SH3PXD2B: variants seen among roughly 807,000 people sequenced by gnomAD.
The protein encoded by SH3PXD2B is SH3 and PX domains 2B, also known as SH3 and PX domain-containing protein 2B.
Under a neutral mutation model 73.1 loss-of-function variants are expected in SH3PXD2B, and 37 were observed. The ratio of observed to expected loss-of-function variants is 0.51; its 90% CI spans 0.39 to 0.67. The LOEUF (loss-of-function observed/expected upper bound fraction) is 0.67. SH3PXD2B is among the 30% of genes least tolerant of loss of function. The pLI is 0.00. For missense variants in SH3PXD2B, 1,053 were observed against 1,197.8 expected (o/e 0.88, Z 1.78); for synonymous variants, 457 against 480.5 (o/e 0.95, Z 0.64).
At chr5:172,423,053 G>A (rs1255765547) in intron 1 of SH3PXD2B, among the ~76,000 whole-genome samples, 1 of 149,370 alleles carries the variant, frequency 6.7e-6, no homozygotes, top group African/African-American at 2.6e-5. Context: ...GGATAGATGT[G>A]AGGTGCTGAT....
At chr5:172,340,037 C>T (rs1291096951) in intron 12 of SH3PXD2B, 121 bp from the exon 13 acceptor site, 2 of 1,540,054 alleles carry the variant, frequency 1.3e-6, no homozygotes, top group Non-Finnish European at 1.8e-6. Flanking sequence ...TCAGCAGCTC[C>T]TCTGACAAGG....
At chr5:172,369,181 C>A (rs771186448) in intron 6 of SH3PXD2B, among the ~76,000 whole-genome samples, 8 of 151,420 alleles carry the variant, frequency 5.3e-5, no homozygotes, top group Admixed American at 2.0e-4. Flanking sequence ...AGGTGTAAAC[C>A]ACCACGCCTG....
intron 1 of SH3PXD2B, among the ~76,000 whole-genome samples, chr5:172,451,999 C>T (rs1216004501): frequency 1.3e-5 from 2 of 152,210 alleles, no homozygotes; most frequent in African/African-American, 4.8e-5. Context: ...TGCAGAAAAA[C>T]AAGTTCTTGA....
chr5:172,380,187 A>T (rs1195731016), intron 5 of SH3PXD2B, among the ~76,000 whole-genome samples: 1 of 151,704 alleles, frequency 6.6e-6, no homozygotes, highest in Non-Finnish European at 1.5e-5. Context: ...CTTCCTGAGT[A>T]TCTGGGACTA....
At chr5:172,449,496 T>C (rs2113521615) in intron 1 of SH3PXD2B, among the ~76,000 whole-genome samples, 1 of 152,354 alleles carries the variant, frequency 6.6e-6, no homozygotes, top group East Asian at 1.9e-4. Flanking sequence ...TGTAATTACC[T>C]GAAGGATTAG....
chr5:172,376,795 C>G (rs139778235), intron 5 of SH3PXD2B, among the ~76,000 whole-genome samples: 2 of 152,338 alleles, frequency 1.3e-5, no homozygotes, highest in Non-Finnish European at 2.9e-5. Context: ...TCACTGCGTC[C>G]GCATACATCC....
rs145379433 is a variant in SH3PXD2B, at chr5:172,372,653, A to G, written c.427+1137T>C. On this transcript the variant is annotated intron_variant, in intron 6 of 12. Coordinates refer to ENST00000311601, the MANE Select transcript of SH3PXD2B (RefSeq NM_001017995.3). Reference sequence around the variant, plus strand: ...CTGACAATGTGCCAGGCACTATTCTAGGTGCCTTACAAATATGATTATAAA... The same window carrying G: ...CTGACAATGTGCCAGGCACTATTCTGGGTGCCTTACAAATATGATTATAAA... 7.9e-5 allele frequency among the ~76,000 whole-genome samples: 12 copies of G among 152,340 alleles called. 1 individual carries two copies. The East Asian group carries it at 2.3e-3, about 29-fold the overall frequency.
intron 12 of SH3PXD2B, among the ~76,000 whole-genome samples, chr5:172,327,193 T>C (rs565360670): frequency 1.3e-5 from 2 of 152,180 alleles, no homozygotes; most frequent in Non-Finnish European, 2.9e-5. Context: ...CTACTCTTCA[T>C]AGAAACAATA....
intron 2 of SH3PXD2B, among the ~76,000 whole-genome samples, chr5:172,418,675 C>T (rs1398811704): frequency 1.3e-5 from 2 of 152,172 alleles, no homozygotes; most frequent in Admixed American, 6.5e-5. Flanking sequence ...GCCGGTTCCA[C>T]GATGCTTCCA....
chr5:172,406,546 A>G (rs544352328), intron 2 of SH3PXD2B, among the ~76,000 whole-genome samples, 194 bp from the exon 3 acceptor site: 2 of 152,226 alleles, frequency 1.3e-5, no homozygotes, highest in East Asian at 1.9e-4. Flanking sequence ...AACAATGTTT[A>G]TATCCACAGC....
rs558770755 is a variant in SH3PXD2B, at chr5:172,427,854, C to T, written c.76-5358G>A. Among the ~76,000 whole-genome samples the T allele has an allele frequency of 3.0e-4, 46 of 151,344 alleles. No individual in the cohort carries two copies. The South Asian group carries it at 8.4e-3, about 28-fold the overall frequency. On this transcript the variant is annotated intron_variant, in intron 1 of 12. Coordinates refer to ENST00000311601, the MANE Select transcript of SH3PXD2B (RefSeq NM_001017995.3). ...GTGCAGTGGGGTGATCTCGGCTCAC[C>T]GCAACCTCTGCCTCCCGGGTTCAAG...
intron 12 of SH3PXD2B, among the ~76,000 whole-genome samples, chr5:172,342,409 G>A (rs1457545428): frequency 2.0e-5 from 3 of 152,138 alleles, no homozygotes; most frequent in African/African-American, 4.8e-5. Flanking sequence ...GCCGTCGATC[G>A]GAGGAGAGTC....
At chr5:172,409,860 C>T (rs1758651772) in intron 2 of SH3PXD2B, among the ~76,000 whole-genome samples, 1 of 152,168 alleles carries the variant, frequency 6.6e-6, no homozygotes, top group Admixed American at 6.5e-5. Context: ...AGATTACAGG[C>T]ATGGGTCACC....
chr5:172,344,588 CAAA>C (rs756550290), intron 12 of SH3PXD2B, among the ~76,000 whole-genome samples: 4 of 25,236 alleles, frequency 1.6e-4, no homozygotes, highest in Admixed American at 6.6e-4. Context: ...GAGGCTCTGT[CAAA>C]AAAAAAAAAA....
At position 172,368,686 on chromosome 5, in the gene SH3PXD2B, TTA is replaced by T. The variant is rs1554137079; in HGVS notation, c.427+5102_427+5103del. 1.6e-3 allele frequency among the ~76,000 whole-genome samples: 40 copies of T among 24,752 alleles called. 5 individuals are homozygous for T. Among genetic ancestry groups the T allele is most frequent in the Non-Finnish European group, 2.2e-3 (38 of 17,482 alleles). 16.2% of individuals were successfully genotyped at this position (24,752 alleles called of 152,430 possible). A position where few individuals can be genotyped will look rare whatever the true frequency, so the allele number is the denominator to read the frequency against. On this transcript the variant is annotated intron_variant, in intron 6 of 12. Transcript: ENST00000311601. ...ATTATATATATATAAAATATATATG[TTA>T]TATATATAAAATATATATATATTAT... is the stretch of plus-strand genomic sequence containing the variant.
chr5:172,374,399 C>T (rs1049903748), intron 5 of SH3PXD2B, among the ~76,000 whole-genome samples: 3 of 152,210 alleles, frequency 2.0e-5, no homozygotes, highest in South Asian at 2.1e-4. Flanking sequence ...GCAACTGTAT[C>T]GGCCAGGCAT....
intron 8 of SH3PXD2B, among the ~76,000 whole-genome samples, chr5:172,357,014 T>C (rs912187680): frequency 1.3e-5 from 2 of 149,996 alleles, no homozygotes; most frequent in African/African-American, 4.9e-5. Flanking sequence ...AAAGAGGTGT[T>C]AGGCTGAGGT....
chr5:172,329,059 GTATATATA>G (rs1211712213), downstream of SH3PXD2B, among the ~76,000 whole-genome samples: 27 of 96,844 alleles, frequency 2.8e-4, no homozygotes, highest in African/African-American at 1.0e-3. Context: ...GTGTGTGTGT[GTATATATA>G]TATATATATA....
intron 12 of SH3PXD2B, among the ~76,000 whole-genome samples, chr5:172,342,378 C>T (rs1279640482): frequency 2.6e-5 from 4 of 152,172 alleles, no homozygotes; most frequent in Non-Finnish European, 5.9e-5. Context: ...CTGAGGAACA[C>T]ACAGCGGGTC....
Sources: allele counts gnomAD v4.1 joint callset (sites outside exome capture counted in the v4.1 genomes callset), GRCh38; gene constraint gnomAD v4.1.1; transcripts MANE v1.5; gene names NCBI Gene and HGNC (gene_info 2026-07-23, HGNC 2026-07-21).